AHCTF1: variants seen among roughly 807,000 people sequenced by gnomAD.
The protein encoded by AHCTF1 is AT-hook containing transcription factor 1, also known as protein ELYS.
In AHCTF1, 24 loss-of-function variants were observed where a neutral mutation model predicts 248.4. The ratio of observed to expected loss-of-function variants is 0.10; its 90% CI spans 0.07 to 0.14. The LOEUF (loss-of-function observed/expected upper bound fraction) is 0.14, where lower values mean the gene tolerates loss of function less well. AHCTF1 is among the 10% of genes least tolerant of loss of function. The probability of loss-of-function intolerance (pLI) is 1.00; values close to 1 mark genes in which losing one functional copy is unlikely to be tolerated. For synonymous variants in AHCTF1, 786 were observed against 929.8 expected (o/e 0.85, Z 2.81); for missense variants, 2,206 against 2,636.2 (o/e 0.84, Z 3.57).
chr1:246,900,563 G>A, intron 8 of AHCTF1, 94 bp from the exon 9 acceptor site: 1 of 1,343,326 alleles, frequency 7.4e-7, no homozygotes. Flanking sequence ...CATAAATTAA[G>A]CGGTTTAATT....
chr1:246,852,539 T>G (rs1274560648), intron 32 of AHCTF1, among the ~76,000 whole-genome samples: 1 of 152,016 alleles, frequency 6.6e-6, no homozygotes, highest in Non-Finnish European at 1.5e-5. Context: ...ATTTTCAGAG[T>G]GTACAGATGT....
intron 1 of AHCTF1, among the ~76,000 whole-genome samples, chr1:246,918,591 G>T (rs1666309153): frequency 6.6e-6 from 1 of 152,198 alleles, no homozygotes; most frequent in African/African-American, 2.4e-5. Flanking sequence ...GATCCCAGAA[G>T]TTCGAGGCTG....
intron 31 of AHCTF1, among the ~76,000 whole-genome samples, chr1:246,854,568 T>C (rs1314107814): frequency 6.6e-6 from 1 of 152,160 alleles, no homozygotes; most frequent in African/African-American, 2.4e-5. Flanking sequence ...ATGTCTTAAA[T>C]ATATTACATG....
chr1:246,922,399 A>G (rs1020227857), intron 1 of AHCTF1, among the ~76,000 whole-genome samples: 7 of 151,758 alleles, frequency 4.6e-5, no homozygotes, highest in African/African-American at 7.3e-5. Context: ...GGCACACTGT[A>G]TATCAACAGT....
rs1200208150 is a variant in AHCTF1 at position 246,867,158 on chromosome 1, C to T, written c.3347+86G>A. The stretch of plus-strand genomic sequence containing the variant: ...AATATTCATTTAATAATTTAAAAGT[C>T]TATAAAATGTTAAAGATAATTAAAA... On this transcript the variant is annotated intron_variant, in intron 26 of 35. Coordinates refer to ENST00000648844, the MANE Select transcript of AHCTF1 (RefSeq NM_001323342.2). 11 of 679,530 alleles carry T rather than the reference C, an allele frequency of 1.6e-5. 1 individual carries two copies. In the Admixed American group the frequency reaches 1.7e-4, roughly 10 times the overall value. The allele number at this position is 679,530 out of a possible 1,614,324, so 42.1% of individuals were successfully genotyped here.
At chr1:246,864,902 A>AC (rs1194456395) in intron 26 of AHCTF1, among the ~76,000 whole-genome samples, 3 of 148,290 alleles carry the variant, frequency 2.0e-5, no homozygotes, top group Admixed American at 6.8e-5. Flanking sequence ...CTAGACTGAC[A>AC]ACCCACACCC....
intron 29 of AHCTF1, among the ~76,000 whole-genome samples, chr1:246,860,197 GGC>G (rs199608908): frequency 6.9e-6 from 1 of 145,088 alleles, no homozygotes; most frequent in Non-Finnish European, 1.5e-5. Context: ...TTGGGGGGGG[GGC>G]GGAGGTTGCA....
rs143171849 is a variant in AHCTF1, at chr1:246,895,261, C to T, written c.1715-513G>A. On this transcript the variant is annotated intron_variant, in intron 13 of 35. Coordinates refer to ENST00000648844, the MANE Select transcript of AHCTF1 (RefSeq NM_001323342.2). The stretch of plus-strand genomic sequence containing the variant: ...CTTAATTTTCTTGATTTTTTATGAT[C>T]ACAAAGTGGTTTTGTAAGTGAATGT... Among the ~76,000 whole-genome samples, 578 of 152,170 alleles carry T rather than the reference C, an allele frequency of 3.8e-3. 6 individuals are homozygous for T. The highest frequency in any genetic ancestry group is 0.013 in the African/African-American group (552 of 41,504).
rs199694321 is a variant in AHCTF1 at position 246,842,684 on chromosome 1, A to C, written c.6608+10T>G. On this transcript the variant is annotated intron_variant, in intron 35 of 35. Coordinates refer to ENST00000648844, the MANE Select transcript of AHCTF1 (RefSeq NM_001323342.2). ...AATCAATCAATCAAGAACAGAACAG[A>C]AAGTCATACTTGCTTGCTTGTTTTG... The C allele has an allele frequency of 1.2e-6, 2 of 1,611,886 alleles. No homozygotes were observed. Among genetic ancestry groups the C allele is most frequent in the Non-Finnish European group, 1.7e-6 (2 of 1,179,266 alleles).
intron 21 of AHCTF1, among the ~76,000 whole-genome samples, chr1:246,883,947 AG>A (rs2103122116): frequency 6.6e-6 from 1 of 152,312 alleles, no homozygotes; most frequent in South Asian, 2.1e-4. Flanking sequence ...AATCAAAAGG[AG>A]GAAAAAAACC....
At chr1:246,844,131 T>G (rs1307394130) in intron 33 of AHCTF1, among the ~76,000 whole-genome samples, 2 of 152,168 alleles carry the variant, frequency 1.3e-5, no homozygotes, top group Non-Finnish European at 2.9e-5. Flanking sequence ...AAGCCAAATG[T>G]GTAGGACGAT....
At chr1:246,877,885 A>G (rs1663091376) in intron 21 of AHCTF1, among the ~76,000 whole-genome samples, 2 of 152,182 alleles carry the variant, frequency 1.3e-5, no homozygotes, top group Non-Finnish European at 2.9e-5. Flanking sequence ...GAAGTCTTCC[A>G]GAATCAGGTA....
intron 2 of AHCTF1, among the ~76,000 whole-genome samples, chr1:246,917,866 T>C (rs1332354315): frequency 6.6e-6 from 1 of 152,112 alleles, no homozygotes; most frequent in East Asian, 1.9e-4. Flanking sequence ...TTCTGAAAAT[T>C]TTATAACATC....
intron 24 of AHCTF1, among the ~76,000 whole-genome samples, chr1:246,868,931 G>T (rs1323161810): frequency 4.8e-5 from 7 of 145,124 alleles, no homozygotes; most frequent in Middle Eastern, 3.5e-3. Context: ...TGCAAGTTCT[G>T]CCTCCCGGGT....
chr1:246,904,740 G>C (rs746944451), intron 6 of AHCTF1, among the ~76,000 whole-genome samples: 6 of 152,204 alleles, frequency 3.9e-5, no homozygotes, highest in Non-Finnish European at 8.8e-5. Context: ...AGATTCCAGA[G>C]CCACATCATC....
chr1:246,919,946 C>T (rs1274233789), intron 1 of AHCTF1, among the ~76,000 whole-genome samples: 1 of 151,584 alleles, frequency 6.6e-6, no homozygotes, highest in Non-Finnish European at 1.5e-5. Context: ...CGAGACCATC[C>T]TGGACAACAT....
chr1:246,850,859 T>C lies in AHCTF1; in HGVS notation c.5147A>G (p.Lys1716Arg). The C allele has an allele frequency of 6.2e-7, 1 of 1,614,004 alleles. No homozygotes were observed. Among genetic ancestry groups the C allele is most frequent in the Non-Finnish European group, 8.5e-7 (1 of 1,179,872 alleles). The stretch of plus-strand genomic sequence containing the variant: ...CATTGTGCTTGTTTCCTGAGCAGTC[T>C]TAAATGCAGATTTGACCAATTTAGT... ...CPTKLVKSAFKTAQETSTMTM... is the reference protein window; with the variant it reads ...CPTKLVKSAFRTAQETSTMTM... The change falls in exon 33 of 36, where the codon AAG becomes AGG. Residue 1716 changes from lysine (K) to arginine (R), a missense_variant. Around this residue, in one of 6 missense-constraint regions of AHCTF1, gnomAD observed 955 missense variants for 1,055.6 expected, o/e 0.90. Coordinates refer to ENST00000648844, the MANE Select transcript of AHCTF1 (RefSeq NM_001323342.2).
intron 19 of AHCTF1, among the ~76,000 whole-genome samples, 189 bp from the exon 20 acceptor site, chr1:246,887,546 C>T (rs974035729): frequency 3.9e-5 from 6 of 152,094 alleles, no homozygotes; most frequent in East Asian, 1.9e-4. Context: ...CAACCAGTCC[C>T]GCACCAACTT....
At chr1:246,896,461 C>A (rs1294707692) in intron 12 of AHCTF1, among the ~76,000 whole-genome samples, 1 of 152,062 alleles carries the variant, frequency 6.6e-6, no homozygotes, top group Admixed American at 6.5e-5. Flanking sequence ...CAAAAGACTT[C>A]ATATTATTTG....
Sources: gnomAD v4.1 joint callset for allele counts (sites outside exome capture counted in the v4.1 genomes callset) on GRCh38, gnomAD v4.1.1 for gene constraint, gnomAD v4.1.1 regional missense constraint, MANE v1.5 for transcripts, NCBI Gene and HGNC (gene_info 2026-07-23, HGNC 2026-07-21) for gene names.